PBRM1: variants seen among roughly 807,000 people sequenced by gnomAD.
The protein encoded by PBRM1 is polybromo 1.
A neutral mutation model predicts 194.5 loss-of-function variants in PBRM1; 27 were observed. That is an observed-to-expected ratio of 0.14 (90% confidence interval 0.10 to 0.19). PBRM1 has a LOEUF of 0.19. PBRM1 is among the 10% of genes least tolerant of loss of function. The pLI, the probability that PBRM1 is intolerant of heterozygous loss-of-function variation, is 1.00. For synonymous variants in PBRM1, 655 were observed against 693.2 expected (o/e 0.94, Z 0.87); for missense variants, 1,466 against 2,077.2 (o/e 0.71, Z 5.72).
intron 20 of PBRM1, among the ~76,000 whole-genome samples, chr3:52,585,116 A>C (rs2153743885): frequency 6.6e-6 from 1 of 152,336 alleles, no homozygotes; most frequent in African/African-American, 2.4e-5. Flanking sequence ...TCAAAGAAGT[A>C]ATTTGATTTC....
upstream of PBRM1, among the ~76,000 whole-genome samples, chr3:52,683,587 G>A (rs2097252254): frequency 6.6e-6 from 1 of 151,834 alleles, no homozygotes; most frequent in African/African-American, 2.4e-5. Flanking sequence ...GCTGAGGTGG[G>A]CAGATCACCT....
chr3:52,571,481 C>G (rs1361627202), intron 22 of PBRM1, among the ~76,000 whole-genome samples: 1 of 151,208 alleles, frequency 6.6e-6, no homozygotes, highest in East Asian at 1.9e-4. Context: ...AAACAATTAT[C>G]CTGGCATGGT....
chr3:52,599,931 T>C (rs1212246344), intron 17 of PBRM1, among the ~76,000 whole-genome samples: 1 of 152,166 alleles, frequency 6.6e-6, no homozygotes, highest in Non-Finnish European at 1.5e-5. Flanking sequence ...TTTAAATACA[T>C]TTTAAAATTG....
At chr3:52,625,453 T>C (rs866930088) in intron 13 of PBRM1, among the ~76,000 whole-genome samples, 2 of 152,236 alleles carry the variant, frequency 1.3e-5, no homozygotes, top group Non-Finnish European at 2.9e-5. Flanking sequence ...GTGGATGATT[T>C]ATATTGTTCT....
At chr3:52,598,622 G>A (rs538677019) in intron 17 of PBRM1, among the ~76,000 whole-genome samples, 48 of 152,226 alleles carry the variant, frequency 3.2e-4, no homozygotes, top group African/African-American at 1.1e-3. Context: ...TGTGGCTGGT[G>A]TCTGCAATCC....
chr3:52,576,036 G>C (rs1465915000), intron 22 of PBRM1, among the ~76,000 whole-genome samples: 1 of 152,028 alleles, frequency 6.6e-6, no homozygotes, highest in Non-Finnish European at 1.5e-5. Context: ...TATCCAGTCT[G>C]AGGAGCAGAA....
intron 20 of PBRM1, 149 bp downstream of exon 22, chr3:52,586,276 A>G: frequency 1.5e-6 from 1 of 682,380 alleles, no homozygotes; most frequent in Non-Finnish European, 2.5e-6. Context: ...GAAAGTGTAA[A>G]TTTCTTTCTG....
chr3:52,590,321 T>C (rs1156562254), intron 17 of PBRM1, among the ~76,000 whole-genome samples: 1 of 151,976 alleles, frequency 6.6e-6, no homozygotes, highest in Non-Finnish European at 1.5e-5. Context: ...GCCAGCATGA[T>C]GGCAGGTGCC....
At chr3:52,637,988 A>G (rs1435227887) in intron 10 of PBRM1, among the ~76,000 whole-genome samples, 4 of 151,978 alleles carry the variant, frequency 2.6e-5, no homozygotes, top group East Asian at 1.9e-4. Flanking sequence ...CTTTATATCA[A>G]TATCCCCCTC....
chr3:52,674,097 G>A (rs1016110475), intron 2 of PBRM1, among the ~76,000 whole-genome samples: 73 of 151,262 alleles, frequency 4.8e-4, no homozygotes, highest in African/African-American at 1.6e-3. Context: ...GCAGATAAAC[G>A]AAATTAGAGA....
intron 21 of PBRM1, among the ~76,000 whole-genome samples, chr3:52,577,059 T>C (rs2089828176): frequency 6.6e-6 from 1 of 152,094 alleles, no homozygotes; most frequent in African/African-American, 2.4e-5. Context: ...ACATAAAACA[T>C]CAATATTTGG....
chr3:52,637,773 C>CA (rs755241328), intron 10 of PBRM1, among the ~76,000 whole-genome samples: 1,088 of 42,192 alleles, frequency 0.026, 54 homozygotes, highest in African/African-American at 0.035. Context: ...ACTAAAAATA[C>CA]AAAAAAAAAA....
chr3:52,627,599 C>T (rs2095486293), intron 12 of PBRM1, among the ~76,000 whole-genome samples: 1 of 152,058 alleles, frequency 6.6e-6, no homozygotes, highest in African/African-American at 2.4e-5. Context: ...GAGTCAATAC[C>T]AGCAGAGCAT....
intron 11 of PBRM1, among the ~76,000 whole-genome samples, chr3:52,629,727 T>TAG (rs1238771994): frequency 7.9e-5 from 12 of 152,224 alleles, no homozygotes; most frequent in Non-Finnish European, 1.8e-4. Context: ...TTGTACAAAG[T>TAG]AGAGTCACTA....
chr3:52,605,161 T>C (rs751493175), intron 16 of PBRM1, among the ~76,000 whole-genome samples: 6 of 152,144 alleles, frequency 3.9e-5, no homozygotes, highest in Admixed American at 1.3e-4. Context: ...TGGAGTGCAG[T>C]GGCGTGATCA....
At chr3:52,651,493 A>C (rs867886588) in intron 6 of PBRM1, among the ~76,000 whole-genome samples, 1 of 152,248 alleles carries the variant, frequency 6.6e-6, no homozygotes, top group South Asian at 2.1e-4. Flanking sequence ...AAAAATTAAA[A>C]ATGAAATAAA....
intron 8 of PBRM1, among the ~76,000 whole-genome samples, chr3:52,644,226 T>C (rs1260382458): frequency 1.3e-5 from 2 of 152,086 alleles, no homozygotes; most frequent in African/African-American, 2.4e-5. Flanking sequence ...TCTAGTTAAA[T>C]GAAGCCCTTC....
intron 13 of PBRM1, among the ~76,000 whole-genome samples, chr3:52,620,376 T>C (rs2095218619): frequency 6.6e-6 from 1 of 152,164 alleles, no homozygotes; most frequent in African/African-American, 2.4e-5. Context: ...ATCTCTCCAA[T>C]AAACAGGACA....
chr3:52,597,642 C>G (rs2153228912), intron 17 of PBRM1, among the ~76,000 whole-genome samples: 1 of 152,194 alleles, frequency 6.6e-6, no homozygotes, highest in East Asian at 1.9e-4. Context: ...CACTACAACC[C>G]TGAACTCCTG....
Sources: gnomAD v4.1 joint callset for allele counts (sites outside exome capture counted in the v4.1 genomes callset) on GRCh38, gnomAD v4.1.1 for gene constraint, MANE v1.5 for transcripts, NCBI Gene and HGNC (gene_info 2026-07-23, HGNC 2026-07-21) for gene names.